PDE1A: variants seen among roughly 807,000 people sequenced by gnomAD.
PDE1A encodes the protein dual specificity calcium/calmodulin-dependent 3',5'-cyclic nucleotide phosphodiesterase 1A.
In PDE1A, 35 loss-of-function variants were observed where a neutral mutation model predicts 61.7. That is an observed-to-expected ratio of 0.57 (90% CI 0.43 to 0.75). The LOEUF (loss-of-function observed/expected upper bound fraction) is 0.75, where lower values mean the gene tolerates loss of function less well. Ranked by LOEUF, PDE1A falls within the 30% of genes least tolerant of loss-of-function variation. The pLI, the probability that PDE1A is intolerant of heterozygous loss-of-function variation, is 0.00. For missense variants in PDE1A, 597 were observed against 630.6 expected, an observed-to-expected ratio of 0.95 and a Z score of 0.57; for synonymous variants, 232 against 213.2, an observed-to-expected ratio of 1.09 and a Z score of -0.77.
chr2:182,170,268 T>C (rs1031913726), intron 13 of PDE1A, among the ~76,000 whole-genome samples: 2 of 152,106 alleles, frequency 1.3e-5, no homozygotes, highest in Non-Finnish European at 2.9e-5. Flanking sequence ...TAAAATTCTT[T>C]CCTTGTAGAG....
the PDE1A span, among the ~76,000 whole-genome samples, chr2:182,702,373 G>T: frequency 7.2e-5 from 11 of 152,146 alleles, no homozygotes; most frequent in Non-Finnish European, 1.2e-4. Context: ...AAAGTGCTGG[G>T]ATTACAGGTG....
At chr2:182,526,957 A>G (rs1440864449), upstream of PDE1A, among the ~76,000 whole-genome samples, 1 of 151,488 alleles carries the variant, frequency 6.6e-6, no homozygotes, top group Non-Finnish European at 1.5e-5. Flanking sequence ...TTCTTTTTTC[A>G]GGTATTGTAA....
intron 13 of PDE1A, among the ~76,000 whole-genome samples, chr2:182,180,498 T>C (rs1684664183): frequency 6.6e-6 from 1 of 152,180 alleles, no homozygotes; most frequent in African/African-American, 2.4e-5. Flanking sequence ...CTGACCTTTT[T>C]CTCTGGCTGC....
At chr2:182,615,844 A>G in the PDE1A span, among the ~76,000 whole-genome samples, 1 of 152,140 alleles carries the variant, frequency 6.6e-6, no homozygotes, top group Admixed American at 6.5e-5. Flanking sequence ...TTTATCAGAA[A>G]CCCACTCCCA....
chr2:182,651,301 C>T, the PDE1A span, among the ~76,000 whole-genome samples: 168 of 152,324 alleles, frequency 1.1e-3, no homozygotes, highest in Non-Finnish European at 1.0e-3. Context: ...GCCACCACAC[C>T]TGGCCTTGTA....
chr2:182,336,492 A>G (rs1697823302), intron 1 of PDE1A, among the ~76,000 whole-genome samples: 1 of 152,172 alleles, frequency 6.6e-6, no homozygotes, highest in African/African-American at 2.4e-5. Flanking sequence ...GCTGAACACC[A>G]TCATTCTCAG....
chr2:182,360,464 C>T (rs1391263735), intron 1 of PDE1A, among the ~76,000 whole-genome samples: 1 of 151,410 alleles, frequency 6.6e-6, no homozygotes, highest in East Asian at 1.9e-4. Flanking sequence ...AATTGCAAGA[C>T]CAAACATAGG....
At chr2:182,667,348 T>C in the PDE1A span, among the ~76,000 whole-genome samples, 1 of 152,200 alleles carries the variant, frequency 6.6e-6, no homozygotes, top group South Asian at 2.1e-4. Context: ...CAGTTAAGTA[T>C]TGTCCATTGG....
At chr2:182,685,602 C>T in the PDE1A span, among the ~76,000 whole-genome samples, 1 of 152,114 alleles carries the variant, frequency 6.6e-6, no homozygotes, top group Non-Finnish European at 1.5e-5. Flanking sequence ...TATTAAAACG[C>T]CTGTCAAAAG....
chr2:182,394,602 A>T (rs2125408139), intron 1 of PDE1A, among the ~76,000 whole-genome samples: 1 of 152,240 alleles, frequency 6.6e-6, no homozygotes, highest in Non-Finnish European at 1.5e-5. Flanking sequence ...GACCCAAAAC[A>T]TCAATATTGG....
intron 7 of PDE1A, among the ~76,000 whole-genome samples, chr2:182,220,253 T>C (rs1050776253): frequency 8.6e-5 from 13 of 152,024 alleles, no homozygotes; most frequent in African/African-American, 2.7e-4. Flanking sequence ...ATTGAAGAGA[T>C]AATTGAAGAG....
chr2:182,663,584 A>T, the PDE1A span, among the ~76,000 whole-genome samples: 3 of 152,172 alleles, frequency 2.0e-5, no homozygotes, highest in Non-Finnish European at 4.4e-5. Flanking sequence ...AGAAAACCAA[A>T]TACCTCATGT....
At position 182,520,793 on chromosome 2, in the gene PDE1A, G is replaced by A. The variant is rs114549585; in HGVS notation, c.101+1483C>T. On this transcript the variant is annotated intron_variant, in intron 2 of 14. Transcript: ENST00000410103. Reference sequence around the variant, plus strand: ...TTGTAATGAGAGACATAATTTTCCCGGTACTGATGTTCATCCACTCATTAG... The same window carrying A: ...TTGTAATGAGAGACATAATTTTCCCAGTACTGATGTTCATCCACTCATTAG... Among the ~76,000 whole-genome samples the A allele has an allele frequency of 3.9e-3, 589 of 151,948 alleles. 4 individuals are homozygous for A. Among genetic ancestry groups the A allele is most frequent in the African/African-American group, 0.013 (531 of 41,534 alleles).
intron 2 of PDE1A, among the ~76,000 whole-genome samples, chr2:182,454,979 A>G (rs1189156619): frequency 2.0e-5 from 3 of 151,746 alleles, no homozygotes; most frequent in African/African-American, 7.2e-5. Context: ...AACCTACAAA[A>G]TGGGAGAAAA....
chr2:182,295,179 A>G (rs555814853), intron 1 of PDE1A, among the ~76,000 whole-genome samples: 1 of 134,598 alleles, frequency 7.4e-6, no homozygotes, highest in East Asian at 2.4e-4. Context: ...AGTTCACGCC[A>G]TTCTCCTGCC....
downstream of PDE1A, among the ~76,000 whole-genome samples, chr2:182,145,415 T>G (rs1690442442): frequency 6.6e-6 from 1 of 152,078 alleles, no homozygotes. Context: ...TTATATTTAC[T>G]TTGAGCGGGC....
At chr2:182,627,320 T>TTATA in the PDE1A span, among the ~76,000 whole-genome samples, 5 of 86,540 alleles carry the variant, frequency 5.8e-5, no homozygotes, top group African/African-American at 9.3e-5. Flanking sequence ...AATATATATA[T>TTATA]TATATATATA....
In PDE1A at chr2:182,201,424, G is replaced by C; in HGVS notation, c.1125+15C>G. ...CTATTTCCAAAAACATTTGCACAGAGTGTGAAAGAGGCACCTGCAGGAAAA... is the reference window on the plus strand; with the variant it reads ...CTATTTCCAAAAACATTTGCACAGACTGTGAAAGAGGCACCTGCAGGAAAA... On this transcript the variant is annotated intron_variant, in intron 10 of 13. Transcript: ENST00000351439. 6.2e-7 allele frequency: 1 copy of C among 1,613,158 alleles called. No homozygotes were observed. The highest frequency in any genetic ancestry group is 1.1e-5 in the South Asian group (1 of 91,008).
chr2:182,504,130 G>A (rs2125925374), intron 2 of PDE1A, among the ~76,000 whole-genome samples: 1 of 152,304 alleles, frequency 6.6e-6, no homozygotes, highest in African/African-American at 2.4e-5. Context: ...GTATACATTA[G>A]TGTTTACTGC....
Sources: gnomAD v4.1 joint callset for allele counts (sites outside exome capture counted in the v4.1 genomes callset) on GRCh38, gnomAD v4.1.1 for gene constraint, MANE v1.5 for transcripts, NCBI Gene and HGNC (gene_info 2026-07-23, HGNC 2026-07-21) for gene names.